The following HEG1 variants were observed in gnomAD, a reference collection of about 807,000 sequenced individuals.
HEG1 encodes protein HEG homolog 1.
Under a neutral mutation model 125.6 loss-of-function variants are expected in HEG1, and 56 were observed. The ratio of observed to expected loss-of-function variants is 0.45; its 90% CI spans 0.36 to 0.56. The LOEUF (loss-of-function observed/expected upper bound fraction) is 0.56, where lower values mean the gene tolerates loss of function less well. Among genes scored for constraint, HEG1 ranks in the 20% least tolerant of loss-of-function variants. HEG1 has a pLI of 0.00. For synonymous variants in HEG1, 644 were observed against 668.5 expected (o/e 0.96, Z 0.57); for missense variants, 1,523 against 1,670.0 (o/e 0.91, Z 1.53).
chr3:125,010,372 AG>A, intron 7 of HEG1, 66 bp downstream of exon 7: 1 of 901,636 alleles, frequency 1.1e-6, no homozygotes, highest in Admixed American at 2.5e-5. Flanking sequence ...TGGAGGAAAA[AG>A]GAGTTTATTG....
chr3:125,010,730 G>A (rs1224551004), intron 6 of HEG1, among the ~76,000 whole-genome samples, 175 bp from the exon 7 acceptor site: 1 of 152,214 alleles, frequency 6.6e-6, no homozygotes, highest in East Asian at 1.9e-4. Flanking sequence ...ATTGGGACTG[G>A]GTCCTGGTAC....
At chr3:125,019,156 C>G in intron 5 of HEG1, 106 bp downstream of exon 5, 2 of 950,240 alleles carry the variant, frequency 2.1e-6, no homozygotes, top group Non-Finnish European at 3.2e-6. Context: ...GCGTGAGCCA[C>G]CACGCTAGGC....
intron 9 of HEG1, among the ~76,000 whole-genome samples, chr3:125,003,362 C>T (rs1937028040): frequency 6.6e-6 from 1 of 152,182 alleles, no homozygotes; most frequent in Admixed American, 6.5e-5. Context: ...TTCTAAATCC[C>T]TGTATTATCT....
chr3:125,037,927 C>T (rs4679258), intron 1 of HEG1, among the ~76,000 whole-genome samples: 54,338 of 152,094 alleles, frequency 0.36, 11,099 homozygotes, highest in African/African-American at 0.54. Flanking sequence ...ATATTAACAG[C>T]ATCTCCCTCA....
intron 5 of HEG1, chr3:125,014,631 A>G (rs1405158089): frequency 6.3e-6 from 7 of 1,110,146 alleles, no homozygotes; most frequent in African/African-American, 1.6e-5. Flanking sequence ...CTTGACAGCT[A>G]ACTGAATCAT....
At chr3:125,014,743 G>T in intron 5 of HEG1, 1 of 1,282,938 alleles carries the variant, frequency 7.8e-7, no homozygotes, top group African/African-American at 1.5e-5. Context: ...GCCAGTGACC[G>T]TGAGACCAGG....
At chr3:125,024,417 A>G (rs1008227395) in intron 3 of HEG1, among the ~76,000 whole-genome samples, 19 of 152,202 alleles carry the variant, frequency 1.2e-4, no homozygotes, top group African/African-American at 4.6e-4. Flanking sequence ...ACAATTCAAC[A>G]TACACATATC....
intron 3 of HEG1, 77 bp from the exon 4 acceptor site, chr3:125,021,207 C>T (rs976886512): frequency 3.5e-6 from 4 of 1,146,172 alleles, no homozygotes; most frequent in African/African-American, 3.1e-5. Flanking sequence ...ATACAAATGA[C>T]GTTTCTTACA....
chr3:125,055,835 G>GGCAGCAACA lies in HEG1; in HGVS notation c.47_55dup (p.Leu16_Leu18dup). 2 of 980,450 alleles carry GGCAGCAACA rather than the reference G, an allele frequency of 2.0e-6. No individual in the cohort carries two copies. Among genetic ancestry groups the GGCAGCAACA allele is most frequent in the Non-Finnish European group, 2.4e-6 (2 of 826,626 alleles). The allele number at this position is 980,450 out of a possible 1,614,324, so 60.7% of individuals were successfully genotyped here. A position where few individuals can be genotyped will look rare whatever the true frequency, so the allele number is the denominator to read the frequency against. Reference sequence around the variant, plus strand: ...GGCCGCCGGCGGCAGCAGCAGCAGCGGCAGCAACAGCAGCAGGAGCGGCGG... The same window carrying GGCAGCAACA: ...GGCCGCCGGCGGCAGCAGCAGCAGCGGCAGCAACAGCAGCAACAGCAGCAGGAGCGGCGG... On this transcript the variant is annotated inframe_insertion, in exon 1 of 17. Transcript: ENST00000311127.
chr3:124,997,610 G>A, intron 12 of HEG1, 79 bp downstream of exon 12: 1 of 1,391,282 alleles, frequency 7.2e-7, no homozygotes, highest in Non-Finnish European at 9.6e-7. Flanking sequence ...CAAAGACAGA[G>A]AGAGAGCAAG....
chr3:125,002,967 G>A (rs1227699871), intron 9 of HEG1, among the ~76,000 whole-genome samples: 3 of 152,118 alleles, frequency 2.0e-5, no homozygotes, highest in East Asian at 1.9e-4. Flanking sequence ...CTCCTTTCCC[G>A]GAGTGGAGGG....
chr3:124,995,740 A>C (rs1315808201), intron 12 of HEG1, among the ~76,000 whole-genome samples: 2 of 152,214 alleles, frequency 1.3e-5, no homozygotes, highest in African/African-American at 2.4e-5. Context: ...CAAGCCCAAA[A>C]GTGAATCAAG....
At position 125,055,648 on chromosome 3, in the gene HEG1, G is replaced by A; in HGVS notation, c.243C>T (p.Ser81=). Residue 81 remains serine, a synonymous_variant, in exon 1 of 17, where the codon AGC becomes AGT. Coordinates refer to ENST00000311127, the MANE Select transcript of HEG1 (RefSeq NM_020733.2). ...CGGCGCCTGGCTCAGGGGCCCTGTA[G>A]CTGGGGCCGGGGGTCGCGGGCCCGC... ...ERRGPATPGP[S]YRAPEPGAAT... 3 of 1,188,984 alleles carry A rather than the reference G, an allele frequency of 2.5e-6. No individual in the cohort carries two copies. The highest frequency in any genetic ancestry group is 3.1e-6 in the Non-Finnish European group (3 of 960,268). 73.7% of individuals were successfully genotyped at this position (1,188,984 alleles called of 1,614,324 possible).
intron 5 of HEG1, among the ~76,000 whole-genome samples, chr3:125,015,979 T>C (rs543420122): frequency 1.2e-4 from 19 of 152,226 alleles, no homozygotes; most frequent in African/African-American, 4.3e-4. Flanking sequence ...GCCACGAGCA[T>C]CACTGAGAAA....
intron 5 of HEG1, among the ~76,000 whole-genome samples, chr3:125,018,800 A>G (rs1194082942): frequency 1.3e-5 from 2 of 151,712 alleles, no homozygotes; most frequent in Middle Eastern, 3.4e-3. Context: ...ACCAGCTAGA[A>G]GAAGGGCCTG....
At chr3:125,033,160 A>T (rs190049062) in intron 1 of HEG1, among the ~76,000 whole-genome samples, 31 of 152,264 alleles carry the variant, frequency 2.0e-4, no homozygotes, top group East Asian at 9.6e-4. Flanking sequence ...ATATTTTTTT[A>T]AAAAAATTTC....
chr3:124,978,582 T>C (rs1936590140), intron 14 of HEG1, among the ~76,000 whole-genome samples: 1 of 152,164 alleles, frequency 6.6e-6, no homozygotes, highest in Admixed American at 6.5e-5. Context: ...TTTAAAAACT[T>C]AATTTGTTCC....
At chr3:125,022,685 A>T (rs898337677) in intron 3 of HEG1, among the ~76,000 whole-genome samples, 6 of 103,932 alleles carry the variant, frequency 5.8e-5, no homozygotes, top group Middle Eastern at 6.0e-3. Flanking sequence ...CTTCAGTATT[A>T]AAAAAAAAAA....
chr3:124,999,156 C>T (rs891890187), intron 11 of HEG1, among the ~76,000 whole-genome samples: 4 of 152,154 alleles, frequency 2.6e-5, no homozygotes, highest in African/African-American at 7.2e-5. Flanking sequence ...CCTGGTCACA[C>T]GAGGTAAGCT....
Sources: allele counts gnomAD v4.1 joint callset (sites outside exome capture counted in the v4.1 genomes callset), GRCh38; gene constraint gnomAD v4.1.1; transcripts MANE v1.5; gene names NCBI Gene and HGNC (gene_info 2026-07-23, HGNC 2026-07-21).